ZYG11A: variants seen among roughly 807,000 people sequenced by gnomAD.
The protein encoded by ZYG11A is zyg-11 family member A, cell cycle regulator.
Under a neutral mutation model 77.2 loss-of-function variants are expected in ZYG11A, and 62 were observed. The ratio of observed to expected loss-of-function variants is 0.80; its 90% CI spans 0.65 to 0.99. The LOEUF is 0.99. ZYG11A is among the 50% of genes least tolerant of loss of function. ZYG11A has a pLI of 0.00. For synonymous variants in ZYG11A, 315 were observed against 324.6 expected (o/e 0.97, Z 0.32); for missense variants, 828 against 896.8 (o/e 0.92, Z 0.98).
rs1278538375 is a variant in ZYG11A at position 52,857,102 on chromosome 1, G to C, written c.361G>C (p.Ala121Pro). The change falls in exon 3 of 14, where the codon GCC (alanine) becomes CCC (proline). Residue 121 changes from alanine (A) to proline (P), a missense_variant. By Grantham distance (27) the Ala-to-Pro change is conservative. Coordinates refer to ENST00000371528, the MANE Select transcript of ZYG11A (RefSeq NM_001004339.3). ...AATCTCTACAGCTGCATTCATAAAAGCCTTCTGCCGTCATAAGCTCATTGA... is the reference window on the plus strand; with the variant it reads ...AATCTCTACAGCTGCATTCATAAAACCCTTCTGCCGTCATAAGCTCATTGA... ...AKISTAAFIK[A>P]FCRHKLIELN... 3.9e-6 allele frequency: 6 copies of C among 1,551,598 alleles called. No homozygotes were observed. Among genetic ancestry groups the C allele is most frequent in the Non-Finnish European group, 5.2e-6 (6 of 1,147,014 alleles).
rs1645980191 is a variant in ZYG11A at position 52,864,160 on chromosome 1, A to G, written c.1326+3A>G. On this transcript the variant is annotated splice_donor_region_variant and intron_variant, in intron 5 of 13. Coordinates refer to ENST00000371528, the MANE Select transcript of ZYG11A (RefSeq NM_001004339.3). ...AAAATTTCCCCCATTACCAGCAGGTAATTTCAATTGAATATTTGTTTGTGC... is the reference window on the plus strand; with the variant it reads ...AAAATTTCCCCCATTACCAGCAGGTGATTTCAATTGAATATTTGTTTGTGC... 1 of 1,551,164 alleles carries G rather than the reference A, an allele frequency of 6.4e-7. No individual in the cohort carries two copies. Among genetic ancestry groups the G allele is most frequent in the Middle Eastern group, 1.7e-4 (1 of 5,988 alleles).
At chr1:52,867,498 C>A in intron 6 of ZYG11A, 41 bp from the exon 7 acceptor site, 1 of 1,332,254 alleles carries the variant, frequency 7.5e-7, no homozygotes, top group Non-Finnish European at 1.1e-6. Flanking sequence ...GTTTCACAAA[C>A]TTTATATATA....
chr1:52,843,047 TG>T, intron 1 of ZYG11A, 74 bp downstream of exon 1: 1 of 1,328,784 alleles, frequency 7.5e-7, no homozygotes, highest in South Asian at 1.5e-5. Context: ...GCGAGTCTCC[TG>T]GGACGCTGCC....
chr1:52,875,787 G>A (rs1646250888), intron 8 of ZYG11A, among the ~76,000 whole-genome samples: 1 of 151,444 alleles, frequency 6.6e-6, no homozygotes, highest in South Asian at 2.1e-4. Flanking sequence ...AGGGAAGGCA[G>A]AGTATGTTGA....
intron 5 of ZYG11A, among the ~76,000 whole-genome samples, chr1:52,865,941 T>G (rs1341337504): frequency 1.4e-5 from 2 of 145,950 alleles, no homozygotes; most frequent in African/African-American, 2.6e-5. Context: ...GAGTTTTTTT[T>G]TTTTTTTTTT....
chr1:52,890,249 G>GTTTTTTT (rs908467307), intron 13 of ZYG11A, among the ~76,000 whole-genome samples: 7 of 71,670 alleles, frequency 9.8e-5, no homozygotes, highest in Admixed American at 2.0e-4. Flanking sequence ...TTTTCTTTTA[G>GTTTTTTT]TTTTTTTTTT....
rs746403222 is a variant in ZYG11A, at chr1:52,854,575, T to C, written c.201T>C (p.His67=). 27 of 1,549,714 alleles carry C rather than the reference T, an allele frequency of 1.7e-5. No homozygotes were observed. In the South Asian group the frequency reaches 2.9e-4, roughly 16 times the overall value. ...RPDGTLCLPE[H]WSFPQEVAER... ...ATGGAACACTGTGCCTTCCGGAGCA[T>C]TGGAGTTTCCCTCAGGAAGTAGCCG... The change falls in exon 2 of 14, where the codon CAT becomes CAC. Residue 67 remains histidine (H), a synonymous_variant. Coordinates refer to ENST00000371528, the MANE Select transcript of ZYG11A (RefSeq NM_001004339.3).
chr1:52,844,074 G>A (rs78674051), intron 1 of ZYG11A, among the ~76,000 whole-genome samples: 2,525 of 152,264 alleles, frequency 0.017, 78 homozygotes, highest in African/African-American at 0.056. Flanking sequence ...GAAGTTGGGA[G>A]CTCTGAAATT....
At position 52,854,613 on chromosome 1, in the gene ZYG11A, G is replaced by C. The variant is rs371128639; in HGVS notation, c.239G>C (p.Arg80Thr). The change falls in exon 2 of 14, where the codon AGG (arginine) becomes ACG (threonine). Residue 80 changes from arginine to threonine, a missense_variant. Physicochemically the swap from Arg to Thr is moderately conservative, Grantham distance 71 (BLOSUM62 -1). Transcript: ENST00000371528. The part of the protein sequence containing the change: ...FPQEVAERFL[R>T]VMTWQGKLTD... Reference sequence around the variant, plus strand: ...CAGGAAGTAGCCGAGCGATTTCTCAGGGTGATGACTTGGCAAGGTAGTGAT... The same window carrying C: ...CAGGAAGTAGCCGAGCGATTTCTCACGGTGATGACTTGGCAAGGTAGTGAT... The C allele has an allele frequency of 1.7e-5, 26 of 1,541,516 alleles. No individual in the cohort carries two copies. The highest frequency in any genetic ancestry group is 2.0e-5 in the Non-Finnish European group (23 of 1,139,380).
intron 6 of ZYG11A, 63 bp from the exon 7 acceptor site, chr1:52,867,476 T>C (rs923718273): frequency 1.8e-6 from 2 of 1,086,982 alleles, no homozygotes; most frequent in Admixed American, 2.1e-5. Flanking sequence ...GCCAAATGAT[T>C]TCTTCTGTGT....
At chr1:52,843,425 A>G (rs536621) in intron 1 of ZYG11A, among the ~76,000 whole-genome samples, 99,319 of 152,082 alleles carry the variant, frequency 0.65, 33,615 homozygotes, top group African/African-American at 0.79. Flanking sequence ...TTGTGGACGC[A>G]GCGCCCCGCG....
At chr1:52,877,013 C>G (rs1312057261) in intron 8 of ZYG11A, among the ~76,000 whole-genome samples, 2 of 152,112 alleles carry the variant, frequency 1.3e-5, no homozygotes, top group African/African-American at 2.4e-5. Flanking sequence ...GATGTGAGGT[C>G]ATGTGATGGA....
intron 11 of ZYG11A, 42 bp downstream of exon 11, chr1:52,881,707 T>G (rs1646365656): frequency 7.1e-7 from 1 of 1,404,634 alleles, no homozygotes; most frequent in Admixed American, 2.5e-5. Context: ...CAGAGTAATC[T>G]CTAATTACAG....
chr1:52,874,024 GTTCT>G (rs147846100), intron 8 of ZYG11A, among the ~76,000 whole-genome samples: 4,015 of 151,892 alleles, frequency 0.026, 138 homozygotes, highest in East Asian at 0.18. Context: ...AGAGAACGAA[GTTCT>G]TTCTTGAAAG....
chr1:52,855,602 T>C (rs1046224812), intron 2 of ZYG11A, among the ~76,000 whole-genome samples: 3 of 152,252 alleles, frequency 2.0e-5, no homozygotes, highest in Admixed American at 2.0e-4. Flanking sequence ...ACCACAAGTC[T>C]ACTTTCCATC....
intron 1 of ZYG11A, 35 bp downstream of exon 1, chr1:52,843,008 C>G: frequency 6.1e-6 from 9 of 1,486,118 alleles, no homozygotes; most frequent in Non-Finnish European, 8.1e-6. Context: ...ACGCGGACCT[C>G]GGCGCCACGT....
chr1:52,884,771 CCT>C (rs934298522), intron 11 of ZYG11A, among the ~76,000 whole-genome samples: 17 of 152,284 alleles, frequency 1.1e-4, no homozygotes, highest in African/African-American at 2.6e-4. Flanking sequence ...CAGACACACC[CCT>C]GTTTTTATCA....
chr1:52,852,931 A>G (rs1162676960), intron 1 of ZYG11A, among the ~76,000 whole-genome samples: 44 of 152,212 alleles, frequency 2.9e-4, no homozygotes, highest in Non-Finnish European at 2.9e-5. Context: ...AACAGTGGTC[A>G]TATGTGTACT....
intron 1 of ZYG11A, among the ~76,000 whole-genome samples, chr1:52,847,872 A>ATTTT (rs1558157041): frequency 2.5e-5 from 2 of 79,292 alleles, no homozygotes; most frequent in Admixed American, 1.1e-4. Context: ...TTATTTATTT[A>ATTTT]TTTATTTATT....
Sources: gnomAD v4.1 joint callset for allele counts (sites outside exome capture counted in the v4.1 genomes callset) on GRCh38, gnomAD v4.1.1 for gene constraint, MANE v1.5 for transcripts, NCBI Gene and HGNC (gene_info 2026-07-23, HGNC 2026-07-21) for gene names.